Variants in TEX14 observed in about 807,000 individuals in gnomAD.
The protein encoded by TEX14 is inactive serine/threonine-protein kinase TEX14.
Under a neutral mutation model 178.6 loss-of-function variants are expected in TEX14, and 168 were observed. The observed-to-expected ratio is 0.94, with a 90% CI of 0.83 to 1.07. TEX14 has a LOEUF of 1.07. Ranked by LOEUF, TEX14 falls within the 50% of genes least tolerant of loss-of-function variation. TEX14 has a pLI of 0.00. For missense variants in TEX14, 1,730 were observed against 1,753.6 expected, an observed-to-expected ratio of 0.99 and a Z score of 0.24; for synonymous variants, 626 against 634.1, an observed-to-expected ratio of 0.99 and a Z score of 0.19.
rs1598353915 is a variant in TEX14, at chr17:58,579,562, CGAGGCTGTCCCTCAG to C, written c.3238+88_3238+102del. 3.1e-6 allele frequency: 3 copies of C among 954,632 alleles called. No individual in the cohort carries two copies. The East Asian group carries it at 7.2e-5, about 23-fold the overall frequency. The allele number at this position is 954,632 out of a possible 1,614,324, so 59.1% of individuals were successfully genotyped here. ...TCAACCATATAATGAAAGGTTTGGA[CGAGGCTGTCCCTCAG>C]GATCCCCCCAGCTCTAAACATCTGT... On this transcript the variant is annotated intron_variant, in intron 20 of 31. Coordinates refer to ENST00000349033, the MANE Select transcript of TEX14 (RefSeq NM_031272.5).
chr17:58,636,803 C>T (rs2046442041), intron 2 of TEX14, among the ~76,000 whole-genome samples: 2 of 152,048 alleles, frequency 1.3e-5, no homozygotes, highest in African/African-American at 2.4e-5. Flanking sequence ...GTCCCAGCTA[C>T]TTGGGAGGCT....
intron 20 of TEX14, among the ~76,000 whole-genome samples, chr17:58,578,534 G>A (rs1198321358): frequency 1.3e-5 from 2 of 152,168 alleles, no homozygotes; most frequent in Non-Finnish European, 2.9e-5. Flanking sequence ...GGGGCAGAGA[G>A]GGGCAGAAAG....
chr17:58,636,045 G>A (rs2046427999), intron 2 of TEX14, among the ~76,000 whole-genome samples: 2 of 152,086 alleles, frequency 1.3e-5, no homozygotes, highest in Admixed American at 6.6e-5. Context: ...GCGTCCCAAG[G>A]GCTTCTCTAA....
At chr17:58,576,597 G>A (rs1478748227) in intron 21 of TEX14, among the ~76,000 whole-genome samples, 1 of 152,170 alleles carries the variant, frequency 6.6e-6, no homozygotes. Context: ...CCAGGATATT[G>A]ACATTGATAC....
chr17:58,661,139 G>A (rs755182176), intron 1 of TEX14: 2 of 842,862 alleles, frequency 2.4e-6, no homozygotes, highest in South Asian at 1.3e-5. Flanking sequence ...TCTTTGAGAT[G>A]CCATAGCAAC....
At chr17:58,666,651 G>C (rs958233302) in intron 1 of TEX14, 1 of 152,068 alleles carries the variant, frequency 6.6e-6, no homozygotes, top group Non-Finnish European at 1.5e-5. Flanking sequence ...CACACACAGG[G>C]AAAAACCACC....
In TEX14 at chr17:58,599,352, C is replaced by T; in HGVS notation, c.1993G>A (p.Asp665Asn). 1.1e-5 allele frequency: 17 copies of T among 1,614,126 alleles called. No individual in the cohort carries two copies. Among genetic ancestry groups the T allele is most frequent in the Non-Finnish European group, 1.4e-5 (17 of 1,180,032 alleles). The part of the protein sequence containing the change: ...DELKSMEEEL[D>N]KMEREACCFG... ...CAACACGCCTCTCTCTCCATCTTAT[C>T]CAGCTCTTCTTCCATGGATTTCAGT... Residue 665 changes from aspartate (D) to asparagine (N), a missense_variant, in exon 14 of 32, where the codon GAT becomes AAT. Around this residue, in one of 2 missense-constraint regions of TEX14, gnomAD observed 941 missense variants for 1,072.4 expected, o/e 0.88. Coordinates refer to ENST00000349033, the MANE Select transcript of TEX14 (RefSeq NM_031272.5).
At chr17:58,624,902 G>GTGGTT (rs1011626460) in intron 3 of TEX14, among the ~76,000 whole-genome samples, 2 of 152,182 alleles carry the variant, frequency 1.3e-5, no homozygotes, top group East Asian at 1.9e-4. Context: ...ACCCAGGAAT[G>GTGGTT]TGGTTTGGTT....
intron 23 of TEX14, among the ~76,000 whole-genome samples, chr17:58,572,632 T>TAAA (rs1313175015): frequency 2.3e-5 from 3 of 131,602 alleles, no homozygotes; most frequent in African/African-American, 5.6e-5. Flanking sequence ...ACTCTGTCTT[T>TAAA]AAAAAAAAAA....
At chr17:58,672,913 G>T (rs553649221) in intron 1 of TEX14, among the ~76,000 whole-genome samples, 1 of 151,914 alleles carries the variant, frequency 6.6e-6, no homozygotes, top group Admixed American at 6.6e-5. Flanking sequence ...TGTATTTTTA[G>T]TAGAGATGGG....
At chr17:58,684,493 C>T (rs1050780000) in intron 1 of TEX14, among the ~76,000 whole-genome samples, 6 of 151,020 alleles carry the variant, frequency 4.0e-5, no homozygotes, top group Admixed American at 2.0e-4. Context: ...CCATATTAGC[C>T]GGGCATGGTG....
At chr17:58,688,568 A>G (rs752787048) in intron 1 of TEX14, among the ~76,000 whole-genome samples, 8 of 152,176 alleles carry the variant, frequency 5.3e-5, no homozygotes, top group Non-Finnish European at 5.9e-5. Context: ...TTTTTGTGTG[A>G]TAAGTACTGT....
At chr17:58,682,588 T>A (rs977232450) in intron 1 of TEX14, among the ~76,000 whole-genome samples, 1 of 151,692 alleles carries the variant, frequency 6.6e-6, no homozygotes, top group Non-Finnish European at 1.5e-5. Context: ...GTGTTTTATT[T>A]CACAAAACAA....
chr17:58,574,316 T>C (rs1045009880), intron 21 of TEX14, 67 bp from the exon 22 acceptor site: 6 of 1,251,064 alleles, frequency 4.8e-6, no homozygotes, highest in Non-Finnish European at 7.0e-6. Flanking sequence ...AACTACTTGC[T>C]ACAAGGAACC....
chr17:58,630,593 A>G, intron 2 of TEX14, 39 bp from the exon 3 acceptor site: 3 of 1,475,164 alleles, frequency 2.0e-6, no homozygotes, highest in Non-Finnish European at 2.8e-6. Context: ...AATATCAGAA[A>G]ATTTCCTGAG....
chr17:58,632,160 CCCGGTTTGGA>C (rs1173162047), intron 2 of TEX14, among the ~76,000 whole-genome samples: 29 of 152,356 alleles, frequency 1.9e-4, no homozygotes, highest in Non-Finnish European at 1.2e-4. Flanking sequence ...AGGGAAACTG[CCCGGTTTGGA>C]CTGATGATCG....
chr17:58,665,816 A>C (rs1784828206), intron 1 of TEX14, among the ~76,000 whole-genome samples: 1 of 151,786 alleles, frequency 6.6e-6, no homozygotes, highest in Non-Finnish European at 1.5e-5. Flanking sequence ...GAGGCCGAGG[A>C]GGGTGGATCA....
chr17:58,615,107 C>T (rs1047181377), intron 8 of TEX14, 125 bp downstream of exon 8: 2 of 612,066 alleles, frequency 3.3e-6, no homozygotes, highest in Non-Finnish European at 5.8e-6. Flanking sequence ...TCAATTTCAA[C>T]AGTCAGGAAA....
At chr17:58,610,235 C>G (rs1355628674) in intron 10 of TEX14, among the ~76,000 whole-genome samples, 1 of 152,214 alleles carries the variant, frequency 6.6e-6, no homozygotes, top group Non-Finnish European at 1.5e-5. Flanking sequence ...CAGGCCAGTG[C>G]CTGGCCCAGA....
Sources: gnomAD v4.1 joint callset for allele counts (sites outside exome capture counted in the v4.1 genomes callset) on GRCh38, gnomAD v4.1.1 for gene constraint, gnomAD v4.1.1 regional missense constraint, MANE v1.5 for transcripts, NCBI Gene and HGNC (gene_info 2026-07-23, HGNC 2026-07-21) for gene names.